DMTN: variants seen among roughly 807,000 people sequenced by gnomAD.
DMTN encodes dematin.
DMTN carries 27 observed loss-of-function variants against 59.4 expected under a neutral mutation model. The ratio of observed to expected loss-of-function variants is 0.45; its 90% CI spans 0.33 to 0.63. The LOEUF (loss-of-function observed/expected upper bound fraction) is 0.63, where lower values mean the gene tolerates loss of function less well. DMTN is among the 20% of genes least tolerant of loss of function. The pLI is 0.02. For missense variants in DMTN, 451 were observed against 528.9 expected (o/e 0.85, Z 1.45); for synonymous variants, 221 against 203.7 (o/e 1.08, Z -0.72).
At chr8:22,053,316 T>C (rs780887549), upstream of DMTN, among the ~76,000 whole-genome samples, 2 of 152,166 alleles carry the variant, frequency 1.3e-5, no homozygotes, top group Non-Finnish European at 2.9e-5. Context: ...GTGGAGGCTC[T>C]AGGGTCTGGG....
intron 10 of DMTN, among the ~76,000 whole-genome samples, chr8:22,074,468 T>G (rs1031288655): frequency 6.6e-6 from 1 of 152,104 alleles, no homozygotes; most frequent in African/African-American, 2.4e-5. Flanking sequence ...AGTGACAAGG[T>G]CTCACAATGT....
chr8:22,076,738 C>G (rs1384923794), intron 10 of DMTN, among the ~76,000 whole-genome samples: 1 of 151,046 alleles, frequency 6.6e-6, no homozygotes, highest in Non-Finnish European at 1.5e-5. Context: ...CCTATTTTTT[C>G]TTTTTTGGGT....
chr8:22,080,989 T>TG, intron 14 of DMTN, 119 bp downstream of exon 14: 8 of 1,481,288 alleles, frequency 5.4e-6, no homozygotes, highest in Admixed American at 3.7e-5. Flanking sequence ...GCAGGGAAGT[T>TG]GGGGGAGACA....
At chr8:22,080,991 G>T (rs1823895618) in intron 14 of DMTN, 121 bp downstream of exon 14, 1 of 1,484,554 alleles carries the variant, frequency 6.7e-7, no homozygotes, top group Non-Finnish European at 9.2e-7. Flanking sequence ...AGGGAAGTTG[G>T]GGGAGACAGA....
chr8:22,081,977 G>A lies in DMTN; in HGVS notation c.*514G>A, dbSNP rs2131630688. ...AGGCCCCAGCTCAGCCTCCGGCAGG[G>A]AGGTCACCCCTCCACTTCAGCTTGC... is the stretch of plus-strand genomic sequence containing the variant. On this transcript the variant is annotated 3_prime_UTR_variant, in exon 16 of 16. Transcript: ENST00000358242. The A allele has an allele frequency of 2.2e-6, 1 of 456,946 alleles. No homozygotes were observed. The highest frequency in any genetic ancestry group is 7.0e-5 in the East Asian group (1 of 14,376). 28.3% of individuals were successfully genotyped at this position (456,946 alleles called of 1,614,324 possible).
intron 5 of DMTN, 65 bp downstream of exon 5, chr8:22,069,125 C>G: frequency 1.9e-6 from 3 of 1,556,362 alleles, no homozygotes; most frequent in Admixed American, 1.9e-5. Context: ...ACTCCCTCCC[C>G]TCACACATCA....
At position 22,080,240 on chromosome 8, in the gene DMTN, G is replaced by C. The variant is rs561706178; in HGVS notation, c.896G>C (p.Ser299Thr). 157 of 1,614,230 alleles carry C rather than the reference G, an allele frequency of 9.7e-5. 2 individuals carry two copies. The highest frequency in any genetic ancestry group is 2.5e-4 in the South Asian group (23 of 91,088). The change falls in exon 11 of 16, where the codon AGC (serine) becomes ACC (threonine). Residue 299 changes from serine to threonine, a missense_variant. Coordinates refer to ENST00000358242, the MANE Select transcript of DMTN (RefSeq NM_001387751.1). The stretch of plus-strand genomic sequence containing the variant: ...CCCGCCTATGGCAGGACCACCCTGA[G>C]CCGGGTAAGGTCTCAGGACCAGAGA... Reference protein sequence around the residue: ...SLPAYGRTTLSRLQSTEFSPS... With the variant: ...SLPAYGRTTLTRLQSTEFSPS...
upstream of DMTN, among the ~76,000 whole-genome samples, chr8:22,052,466 G>A (rs1326720464): frequency 6.6e-6 from 1 of 152,138 alleles, no homozygotes; most frequent in East Asian, 1.9e-4. Context: ...CGTGGGTGGG[G>A]CGGGGGCTTA....
upstream of DMTN, among the ~76,000 whole-genome samples, chr8:22,051,033 C>T (rs1398084287): frequency 6.6e-6 from 1 of 152,192 alleles, no homozygotes; most frequent in Non-Finnish European, 1.5e-5. Context: ...GGAGACTTCC[C>T]CCAGGTCCTC....
rs1020021412 is a variant in DMTN at position 22,058,144 on chromosome 8, G to A, written c.-172+1008G>A. Among the ~76,000 whole-genome samples, 2 of 152,132 alleles carry A rather than the reference G, an allele frequency of 1.3e-5. No individual in the cohort carries two copies. Among genetic ancestry groups the A allele is most frequent in the African/African-American group, 4.8e-5 (2 of 41,442 alleles). On this transcript the variant is annotated intron_variant, in intron 1 of 15. Transcript: ENST00000358242. This position sits in a 1 kb window ranked among gnomAD's most constrained non-coding sequence, Gnocchi z 4.3. ...ACACAGGGCTTCGGAGTCTCCCCGC[G>A]TGCATGCGTCCTGCAACGGTTTCAG...
intron 1 of DMTN, among the ~76,000 whole-genome samples, chr8:22,065,942 G>A (rs545637607): frequency 2.1e-4 from 31 of 147,440 alleles, no homozygotes; most frequent in African/African-American, 6.0e-4. Flanking sequence ...CTGGGCTCAA[G>A]TGATCCTCTC....
rs1169122552 is a variant in DMTN, at chr8:22,080,613, C to T, written c.950-5C>T. The stretch of plus-strand genomic sequence containing the variant: ...CATCTGACCCATGCCCCTTCTCTCC[C>T]GCAGGCCTGCAGGTGAGTGCCTCCT... On this transcript the variant is annotated splice_region_variant and splice_polypyrimidine_tract_variant and intron_variant, in intron 12 of 15. Transcript: ENST00000358242. 9 of 1,607,832 alleles carry T rather than the reference C, an allele frequency of 5.6e-6. No individual in the cohort carries two copies. The highest frequency in any genetic ancestry group is 1.7e-4 in the Middle Eastern group (1 of 5,730).
chr8:22,055,822 C>G (rs567403022), upstream of DMTN, among the ~76,000 whole-genome samples: 38 of 152,260 alleles, frequency 2.5e-4, no homozygotes, highest in Middle Eastern at 6.8e-3. Flanking sequence ...CCTCAAGCCC[C>G]TCCCCCTGTG....
chr8:22,069,875 C>T lies in DMTN; in HGVS notation c.395-6C>T, dbSNP rs1245794746. The T allele has an allele frequency of 6.2e-7, 1 of 1,613,972 alleles. No individual in the cohort carries two copies. The highest frequency in any genetic ancestry group is 8.5e-7 in the Non-Finnish European group (1 of 1,179,990). ...TCCTCCTCCTCATCTGTTCTTCCTCCCACAGAGACCTCCCGCCCAGATTCC... is the reference window on the plus strand; with the variant it reads ...TCCTCCTCCTCATCTGTTCTTCCTCTCACAGAGACCTCCCGCCCAGATTCC... On this transcript the variant is annotated splice_polypyrimidine_tract_variant and splice_region_variant and intron_variant, in intron 6 of 15. Coordinates refer to ENST00000358242, the MANE Select transcript of DMTN (RefSeq NM_001387751.1).
Position 22,072,355 on chromosome 8 carries a change from C to T in DMTN, c.634C>T (p.Arg212Trp), listed in dbSNP as rs760883848. Residue 212 changes from arginine (R) to tryptophan (W), a missense_variant, in exon 9 of 16, where the codon CGG becomes TGG. Physicochemically the swap from Arg to Trp is moderately radical, Grantham distance 101. Coordinates refer to ENST00000358242, the MANE Select transcript of DMTN (RefSeq NM_001387751.1). ...ETEWRKRKAS[R>W]RGAEEEEEEE... Reference sequence around the variant, plus strand: ...AGAATGGAGGAAGCGGAAGGCGTCTCGGAGGGGAGCAGAGGAAGAGGAGGA... The same window carrying T: ...AGAATGGAGGAAGCGGAAGGCGTCTTGGAGGGGAGCAGAGGAAGAGGAGGA... The T allele has an allele frequency of 2.2e-5, 36 of 1,603,380 alleles. No homozygotes were observed. Among genetic ancestry groups the T allele is most frequent in the African/African-American group, 4.0e-5 (3 of 74,570 alleles).
intron 1 of DMTN, among the ~76,000 whole-genome samples, chr8:22,066,235 C>T (rs2130854801): frequency 6.6e-6 from 1 of 152,350 alleles, no homozygotes; most frequent in East Asian, 1.9e-4. Flanking sequence ...TCATGGTAGG[C>T]ACTCACAAAG....
chr8:22,071,979 G>A (rs77772220), intron 8 of DMTN, among the ~76,000 whole-genome samples: 1,765 of 151,748 alleles, frequency 0.012, 27 homozygotes, highest in African/African-American at 0.041. Flanking sequence ...CTGTAGCCTC[G>A]AATTACTGGG....
chr8:22,063,762 T>C (rs1808329155), intron 1 of DMTN, among the ~76,000 whole-genome samples: 1 of 152,166 alleles, frequency 6.6e-6, no homozygotes, highest in South Asian at 2.1e-4. Flanking sequence ...CCCTTTCCCC[T>C]CTCTTGACAC....
At chr8:22,052,125 C>T (rs928720572), upstream of DMTN, among the ~76,000 whole-genome samples, 2 of 152,242 alleles carry the variant, frequency 1.3e-5, no homozygotes, top group Non-Finnish European at 2.9e-5. Context: ...GGCACTACCC[C>T]GGGATGAGCG....
Sources: gnomAD v4.1 joint callset for allele counts (sites outside exome capture counted in the v4.1 genomes callset) on GRCh38, gnomAD v4.1.1 for gene constraint, Gnocchi (gnomAD v3.1) non-coding constraint, MANE v1.5 for transcripts, NCBI Gene and HGNC (gene_info 2026-07-23, HGNC 2026-07-21) for gene names.